Variants in CEMIP observed in about 807,000 individuals in gnomAD.
The protein encoded by CEMIP is cell migration-inducing and hyaluronan-binding protein.
A neutral mutation model predicts 156.9 loss-of-function variants in CEMIP; 105 were observed. That is an observed-to-expected ratio of 0.67 (90% confidence interval 0.57 to 0.79). CEMIP has a LOEUF of 0.79. CEMIP is among the 30% of genes least tolerant of loss of function. The pLI, the probability that CEMIP is intolerant of heterozygous loss-of-function variation, is 0.00. For synonymous variants in CEMIP, 676 were observed against 668.4 expected (o/e 1.01, Z -0.17); for missense variants, 1,457 against 1,769.4 (o/e 0.82, Z 3.17).
intron 1 of CEMIP, among the ~76,000 whole-genome samples, chr15:80,811,794 A>G (rs1284625201): frequency 6.6e-6 from 1 of 151,720 alleles, no homozygotes; most frequent in Non-Finnish European, 1.5e-5. Context: ...TGAGCTCAAG[A>G]AATCTGCCTG....
chr15:80,816,335 A>G (rs538201764), intron 1 of CEMIP, among the ~76,000 whole-genome samples: 89 of 152,296 alleles, frequency 5.8e-4, no homozygotes, highest in Non-Finnish European at 4.0e-4. Flanking sequence ...TCTGAAATCA[A>G]AGAAATGGGT....
rs758245367 is a variant in CEMIP at position 80,906,957 on chromosome 15, G to A, written c.1587+119G>A. On this transcript the variant is annotated intron_variant, in intron 13 of 29. Coordinates refer to ENST00000394685, the MANE Select transcript of CEMIP (RefSeq NM_001293298.2). The surrounding 1 kb of genome is among the most constrained non-coding windows in gnomAD (Gnocchi z 4.3). ...GGGGAACAGGAGGTGGGATCAAGGG[G>A]AGGGCGCCTTCTGGAAGTTTGAGAA... 7 of 1,111,834 alleles carry A rather than the reference G, an allele frequency of 6.3e-6. No homozygotes were observed. The highest frequency in any genetic ancestry group is 4.5e-4 in the Middle Eastern group (2 of 4,450). The allele number at this position is 1,111,834 out of a possible 1,614,324, so 68.9% of individuals were successfully genotyped here.
chr15:80,903,323 G>T (rs1479987934), intron 12 of CEMIP, among the ~76,000 whole-genome samples: 1 of 152,196 alleles, frequency 6.6e-6, no homozygotes, highest in Non-Finnish European at 1.5e-5. Context: ...TCCTGGCTCT[G>T]CTGAGCACTG....
At chr15:80,825,524 A>G (rs760424391) in intron 1 of CEMIP, among the ~76,000 whole-genome samples, 2 of 152,210 alleles carry the variant, frequency 1.3e-5, no homozygotes, top group Non-Finnish European at 2.9e-5. Flanking sequence ...CTGGGCTAGA[A>G]AGTCCTCTGT....
Position 80,804,086 on chromosome 15 carries a change from C to T in CEMIP, c.-176+24472C>T, listed in dbSNP as rs370123529. ...CCCTTTATAAAACCATCAGATCTTG[C>T]GATACTTATTCACTTTCAAGAGAAC... On this transcript the variant is annotated intron_variant, in intron 1 of 29. Coordinates refer to ENST00000394685, the MANE Select transcript of CEMIP (RefSeq NM_001293298.2). Among the ~76,000 whole-genome samples, 37 of 152,306 alleles carry T rather than the reference C, an allele frequency of 2.4e-4. 1 individual carries two copies. The East Asian group carries it at 4.8e-3, about 20-fold the overall frequency.
chr15:80,873,936 G>C lies in CEMIP; in HGVS notation c.57G>C (p.Trp19Cys). ...TCAAGGCCATGCTGACCATCAGCTG[G>C]CTCACTCTGACCTGCTTCCCTGGGG... ...FLFKAMLTISWLTLTCFPGAT... is the reference protein window; with the variant it reads ...FLFKAMLTISCLTLTCFPGAT... Residue 19 changes from tryptophan (W) to cysteine (C), a missense_variant, in exon 3 of 30, where the codon TGG becomes TGC. Coordinates refer to ENST00000394685, the MANE Select transcript of CEMIP (RefSeq NM_001293298.2). 2 of 1,575,986 alleles carry C rather than the reference G, an allele frequency of 1.3e-6. No homozygotes were observed. Among genetic ancestry groups the C allele is most frequent in the Non-Finnish European group, 1.7e-6 (2 of 1,158,936 alleles).
At chr15:80,929,281 T>C (rs1039988353) in intron 21 of CEMIP, 107 bp downstream of exon 21, 51 of 1,343,010 alleles carry the variant, frequency 3.8e-5, no homozygotes, top group Non-Finnish European at 3.1e-5. Context: ...CTATGAATTC[T>C]TCTACCAGCC....
At chr15:80,914,338 T>C (rs1284731648) in intron 14 of CEMIP, among the ~76,000 whole-genome samples, 1 of 152,234 alleles carries the variant, frequency 6.6e-6, no homozygotes. Flanking sequence ...TACCATGCTC[T>C]TTCCTTCTTT....
intron 1 of CEMIP, among the ~76,000 whole-genome samples, chr15:80,840,410 G>A (rs779727939): frequency 2.6e-5 from 4 of 152,076 alleles, no homozygotes; most frequent in Admixed American, 6.5e-5. Context: ...CAGGGACCCC[G>A]GCTGGCCCAC....
chr15:80,947,204 C>T (rs1901595100), intron 29 of CEMIP, 139 bp downstream of exon 29: 3 of 650,068 alleles, frequency 4.6e-6, no homozygotes, highest in Non-Finnish European at 8.5e-6. Flanking sequence ...ATCCCCCACA[C>T]AACTAGTGGT....
At chr15:80,813,591 C>T (rs1424424871) in intron 1 of CEMIP, among the ~76,000 whole-genome samples, 1 of 152,016 alleles carries the variant, frequency 6.6e-6, no homozygotes, top group Non-Finnish European at 1.5e-5. Context: ...GGTGATCCAC[C>T]TGCGTTGGCC....
intron 1 of CEMIP, among the ~76,000 whole-genome samples, chr15:80,864,848 C>T (rs189495382): frequency 6.8e-4 from 104 of 152,302 alleles, no homozygotes; most frequent in African/African-American, 1.8e-3. Context: ...GGATTTGTTA[C>T]GACAGCTTTC....
At chr15:80,938,628 G>A (rs536657745) in intron 25 of CEMIP, among the ~76,000 whole-genome samples, 1 of 152,234 alleles carries the variant, frequency 6.6e-6, no homozygotes, top group South Asian at 2.1e-4. Context: ...AGGGAAAATA[G>A]GAGAGACTTC....
chr15:80,837,476 C>G (rs1412022201), intron 1 of CEMIP, among the ~76,000 whole-genome samples: 1 of 152,152 alleles, frequency 6.6e-6, no homozygotes, highest in Non-Finnish European at 1.5e-5. Context: ...TCTGTCCTCA[C>G]AACACCCTTG....
chr15:80,870,405 C>T (rs1053667214), intron 1 of CEMIP, among the ~76,000 whole-genome samples: 1 of 152,178 alleles, frequency 6.6e-6, no homozygotes, highest in African/African-American at 2.4e-5. Flanking sequence ...GCTTCTGTAG[C>T]CTCTCTGGGC....
rs1179202718 is a variant in CEMIP at position 80,920,961 on chromosome 15, C to T, written c.2004-71C>T. The T allele has an allele frequency of 5.5e-6, 7 of 1,281,874 alleles. No individual in the cohort carries two copies. In the East Asian group the frequency reaches 9.3e-5, roughly 17 times the overall value. The allele number at this position is 1,281,874 out of a possible 1,614,324, so 79.4% of individuals were successfully genotyped here. ...GGCCAATATCAGAGTGCCCAACCTG[C>T]ACCTGCCATGTGGCAGGATGACCCC... On this transcript the variant is annotated intron_variant, in intron 15 of 29. Coordinates refer to ENST00000394685, the MANE Select transcript of CEMIP (RefSeq NM_001293298.2).
rs1484940041 is a variant in CEMIP, at chr15:80,800,163, C to T, written c.-176+20549C>T. Among the ~76,000 whole-genome samples, 9 of 151,956 alleles carry T rather than the reference C, an allele frequency of 5.9e-5. No homozygotes were observed. In the East Asian group the frequency reaches 1.5e-3, roughly 26 times the overall value. ...AAAGTGCTGGGTTACAGGCATGAGT[C>T]ACTGCACCTGGCTGGAAATTTGTTA... On this transcript the variant is annotated intron_variant, in intron 1 of 29. Coordinates refer to ENST00000394685, the MANE Select transcript of CEMIP (RefSeq NM_001293298.2).
chr15:80,938,457 T>C (rs1361946503), intron 25 of CEMIP, among the ~76,000 whole-genome samples: 1 of 152,068 alleles, frequency 6.6e-6, no homozygotes, highest in Non-Finnish European at 1.5e-5. Context: ...ATACAAAAAT[T>C]AGCTGGGCAT....
At chr15:80,793,187 G>A (rs1484226) in intron 1 of CEMIP, among the ~76,000 whole-genome samples, 7,073 of 152,196 alleles carry the variant, frequency 0.046, 552 homozygotes, top group African/African-American at 0.16. Context: ...AATTTGAAGG[G>A]CACAAACTCC....
Sources: gnomAD v4.1 joint callset for allele counts (sites outside exome capture counted in the v4.1 genomes callset) on GRCh38, gnomAD v4.1.1 for gene constraint, Gnocchi (gnomAD v3.1) non-coding constraint, MANE v1.5 for transcripts, NCBI Gene and HGNC (gene_info 2026-07-23, HGNC 2026-07-21) for gene names.